The following TRIM38 variants were observed in gnomAD, a reference collection of about 807,000 sequenced individuals.
The protein encoded by TRIM38 is E3 ubiquitin-protein ligase TRIM38.
Under a neutral mutation model 35.8 loss-of-function variants are expected in TRIM38, and 35 were observed. The ratio of observed to expected loss-of-function variants is 0.98; its 90% CI spans 0.75 to 1.30. The LOEUF (loss-of-function observed/expected upper bound fraction) is 1.30. Among genes scored for constraint, TRIM38 ranks in the 50% most tolerant of loss-of-function variants. TRIM38 has a pLI of 0.00. For missense variants in TRIM38, 545 were observed against 556.9 expected, an observed-to-expected ratio of 0.98 and a Z score of 0.21; for synonymous variants, 198 against 204.7, an observed-to-expected ratio of 0.97 and a Z score of 0.28.
chr6:25,972,655 T>C (rs1760275031), intron 5 of TRIM38, among the ~76,000 whole-genome samples: 1 of 152,228 alleles, frequency 6.6e-6, no homozygotes, highest in South Asian at 2.1e-4. Flanking sequence ...CTCAGGGCTG[T>C]GCACAGATTC....
chr6:25,966,125 T>C (rs755769073), intron 2 of TRIM38, among the ~76,000 whole-genome samples: 8 of 152,176 alleles, frequency 5.3e-5, no homozygotes, highest in Admixed American at 1.3e-4. Context: ...AGATTTGTAA[T>C]ACAAAGAACA....
intron 7 of TRIM38, among the ~76,000 whole-genome samples, chr6:25,974,694 A>C (rs1171191789): frequency 2.6e-5 from 4 of 152,208 alleles, no homozygotes; most frequent in Non-Finnish European, 5.9e-5. Flanking sequence ...GATGAATTTG[A>C]TTACAGGGCT....
chr6:25,969,518 T>A, intron 4 of TRIM38, 98 bp downstream of exon 4: 1 of 979,822 alleles, frequency 1.0e-6, no homozygotes. Context: ...TTATTCTCAC[T>A]AAACCAGATT....
chr6:25,972,374 C>G (rs1237440827), intron 5 of TRIM38, among the ~76,000 whole-genome samples: 1 of 152,136 alleles, frequency 6.6e-6, no homozygotes, highest in Admixed American at 6.5e-5. Context: ...TGACTCTCTC[C>G]TGAAATACTC....
At chr6:25,978,966 C>A (rs879460078) in intron 7 of TRIM38, among the ~76,000 whole-genome samples, 2 of 152,040 alleles carry the variant, frequency 1.3e-5, no homozygotes, top group East Asian at 3.9e-4. Context: ...CTGTGCCTGG[C>A]CTGATTATTG....
intron 5 of TRIM38, 87 bp from the exon 6 acceptor site, chr6:25,972,967 G>A: frequency 6.4e-7 from 1 of 1,553,598 alleles, no homozygotes; most frequent in African/African-American, 1.4e-5. Flanking sequence ...ACTTCTTCGG[G>A]TAAAGCAAAG....
Position 25,985,450 on chromosome 6 carries a change from T to A in TRIM38, c.*1763T>A, listed in dbSNP as rs912567260. ...AAGTTCTAAATCCTCTTTTGAGTAT[T>A]CATCTCAGTACTCCCCTGTGTTTGT... On this transcript the variant is annotated 3_prime_UTR_variant, in exon 8 of 8. Coordinates refer to ENST00000357085, the MANE Select transcript of TRIM38 (RefSeq NM_006355.5). 1 of 152,340 alleles carries A rather than the reference T, an allele frequency of 6.6e-6. No individual in the cohort carries two copies. The highest frequency in any genetic ancestry group is 6.5e-5 in the Admixed American group (1 of 15,300). 9.4% of individuals were successfully genotyped at this position (152,340 alleles called of 1,614,324 possible). A position where few individuals can be genotyped will look rare whatever the true frequency, so the allele number is the denominator to read the frequency against.
At chr6:25,967,597 G>A (rs544668474) in intron 3 of TRIM38, among the ~76,000 whole-genome samples, 2 of 129,642 alleles carry the variant, frequency 1.5e-5, no homozygotes, top group African/African-American at 3.0e-5. Flanking sequence ...GTACAATGGT[G>A]CAATCTCGGC....
At chr6:25,972,964 C>T (rs568231168) in intron 5 of TRIM38, 90 bp from the exon 6 acceptor site, 402 of 1,536,370 alleles carry the variant, frequency 2.6e-4, no homozygotes, top group Non-Finnish European at 3.3e-4. Flanking sequence ...TTTACTTCTT[C>T]GGGTAAAGCA....
At chr6:25,965,625 T>C (rs1245140151) in intron 2 of TRIM38, among the ~76,000 whole-genome samples, 2 of 152,022 alleles carry the variant, frequency 1.3e-5, no homozygotes, top group Non-Finnish European at 2.9e-5. Context: ...AGAACTTGTC[T>C]TATAAGAAAA....
chr6:25,968,780 CA>C, intron 3 of TRIM38, among the ~76,000 whole-genome samples: 1 of 152,284 alleles, frequency 6.6e-6, no homozygotes, highest in East Asian at 1.9e-4. Flanking sequence ...TACCATTGTT[CA>C]AAAGATACCA....
At chr6:25,975,853 T>C (rs551949986) in intron 7 of TRIM38, among the ~76,000 whole-genome samples, 6 of 152,226 alleles carry the variant, frequency 3.9e-5, no homozygotes, top group Non-Finnish European at 7.3e-5. Context: ...TATTACAATG[T>C]TGCTACAATA....
At chr6:25,968,458 A>G (rs987911469) in intron 3 of TRIM38, among the ~76,000 whole-genome samples, 1 of 152,202 alleles carries the variant, frequency 6.6e-6, no homozygotes, top group African/African-American at 2.4e-5. Flanking sequence ...CCTAAAACAC[A>G]TACACAGGAG....
chr6:25,976,440 T>A lies in TRIM38; in HGVS notation c.874+3155T>A, dbSNP rs571297034. Among the ~76,000 whole-genome samples, 11 of 152,276 alleles carry A rather than the reference T, an allele frequency of 7.2e-5. No homozygotes were observed. In the South Asian group the frequency reaches 1.0e-3, roughly 14 times the overall value. ...GCACTGCCACGTCTGGCTAATTTTT[T>A]AAAAATTTTTTGTAGAAACACTATC... is the stretch of plus-strand genomic sequence containing the variant. On this transcript the variant is annotated intron_variant, in intron 7 of 7. Coordinates refer to ENST00000357085, the MANE Select transcript of TRIM38 (RefSeq NM_006355.5).
In TRIM38 at chr6:25,973,174, A is replaced by G. The variant is rs1027942022; in HGVS notation, c.763A>G (p.Ser255Gly). The G allele has an allele frequency of 6.2e-7, 1 of 1,614,152 alleles. No individual in the cohort carries two copies. Among genetic ancestry groups the G allele is most frequent in the Non-Finnish European group, 8.5e-7 (1 of 1,180,014 alleles). ...ATCTCTCGCCTCTGCTTATTCTAGG[A>G]GTTGGGCTGTGAAGCTGGAAACATC... Reference protein sequence around the residue: ...LQNVNDTLSRSWAVKLETSEA... With the variant: ...LQNVNDTLSRGWAVKLETSEA... The change falls in exon 7 of 8, where the codon AGT (serine) becomes GGT (glycine). Residue 255 changes from serine to glycine, a missense_variant and splice_region_variant. Ser to Gly is a moderately conservative substitution (Grantham distance 56). Transcript: ENST00000357085.
rs1277965313 is a variant in TRIM38, at chr6:25,990,593, C to T, written c.*6906C>T. ...TGTTGGGATTACAGGCTTGAGCCAC[C>T]ATGCCTCGCTTCTACACTTATTTTT... On this transcript the variant is annotated 3_prime_UTR_variant, in exon 8 of 8. Transcript: ENST00000357085. The T allele has an allele frequency of 3.3e-5, 5 of 151,912 alleles. No individual in the cohort carries two copies. Among genetic ancestry groups the T allele is most frequent in the Non-Finnish European group, 4.4e-5 (3 of 67,986 alleles). 9.4% of individuals were successfully genotyped at this position (151,912 alleles called of 1,614,324 possible). A position where few individuals can be genotyped will look rare whatever the true frequency, so the allele number is the denominator to read the frequency against.
rs1760706714 is a variant in TRIM38 at position 25,986,321 on chromosome 6, G to T, written c.*2634G>T. 1.3e-5 allele frequency: 2 copies of T among 152,142 alleles called. No individual in the cohort carries two copies. Among genetic ancestry groups the T allele is most frequent in the African/African-American group, 4.8e-5 (2 of 41,432 alleles). The allele number at this position is 152,142 out of a possible 1,614,324, so 9.4% of individuals were successfully genotyped here. On this transcript the variant is annotated 3_prime_UTR_variant, in exon 8 of 8. Coordinates refer to ENST00000357085, the MANE Select transcript of TRIM38 (RefSeq NM_006355.5). ...ATGGGAGGATCACTTGAGGCTAGGA[G>T]TTTGAGACTAGCCTGGGCAAGGCTC...
In TRIM38 at chr6:25,987,908, TAG is replaced by T. The variant is rs1161943626; in HGVS notation, c.*4224_*4225del. The T allele has an allele frequency of 6.6e-6, 1 of 152,174 alleles. No homozygotes were observed. The highest frequency in any genetic ancestry group is 1.5e-5 in the Non-Finnish European group (1 of 68,018). The allele number at this position is 152,174 out of a possible 1,614,324, so 9.4% of individuals were successfully genotyped here. A position where few individuals can be genotyped will look rare whatever the true frequency, so the allele number is the denominator to read the frequency against. On this transcript the variant is annotated 3_prime_UTR_variant, in exon 8 of 8. Coordinates refer to ENST00000357085, the MANE Select transcript of TRIM38 (RefSeq NM_006355.5). ...CTGTGTCCATAGTTACTGTCTTTTC[TAG>T]AGTGTCATACAGTTGTGAAGCAGGA...
intron 7 of TRIM38, chr6:25,974,924 A>G (rs1026547249): frequency 3.0e-6 from 3 of 985,244 alleles, no homozygotes; most frequent in Non-Finnish European, 3.6e-6. Flanking sequence ...GAAGAACAAG[A>G]CTTTGTGTAA....
Sources: gnomAD v4.1 joint callset for allele counts (sites outside exome capture counted in the v4.1 genomes callset) on GRCh38, gnomAD v4.1.1 for gene constraint, MANE v1.5 for transcripts, NCBI Gene and HGNC (gene_info 2026-07-23, HGNC 2026-07-21) for gene names.